The following ANKS1B variants were observed in gnomAD, a reference collection of about 807,000 sequenced individuals.
The protein encoded by ANKS1B is ankyrin repeat and sterile alpha motif domain-containing protein 1B.
Under a neutral mutation model 148.3 loss-of-function variants are expected in ANKS1B, and 36 were observed. The observed-to-expected ratio is 0.24, with a 90% confidence interval of 0.19 to 0.32. The LOEUF (loss-of-function observed/expected upper bound fraction) is 0.32. ANKS1B is among the 10% of genes least tolerant of loss of function. The pLI, the probability that ANKS1B is intolerant of heterozygous loss-of-function variation, is 1.00. For missense variants in ANKS1B, 1,157 were observed against 1,542.6 expected (o/e 0.75, Z 4.19); for synonymous variants, 542 against 560.8 (o/e 0.97, Z 0.47).
At chr12:99,938,696 A>G (rs2094841569) in intron 1 of ANKS1B, among the ~76,000 whole-genome samples, 1 of 152,178 alleles carries the variant, frequency 6.6e-6, no homozygotes, top group South Asian at 2.1e-4. Flanking sequence ...GTAAGATTCA[A>G]GCGGCAATTT....
chr12:99,782,140 T>C (rs1451203851), intron 4 of ANKS1B, 43 bp from the exon 5 acceptor site: 11 of 1,471,388 alleles, frequency 7.5e-6, no homozygotes, highest in African/African-American at 4.2e-5. Context: ...CGGTTGCATT[T>C]GGAATGCTTA....
In ANKS1B at chr12:99,378,358, C is replaced by T. The variant is rs2093478028; in HGVS notation, c.1756+21273G>A. On this transcript the variant is annotated intron_variant, in intron 12 of 26. Transcript: ENST00000683438. Reference sequence around the variant, plus strand: ...AAGAATTGTGTTGCTGAAAACACTGCCAGTTTAAAAGAGAAGGCCGGGCAT... The same window carrying T: ...AAGAATTGTGTTGCTGAAAACACTGTCAGTTTAAAAGAGAAGGCCGGGCAT... 2.0e-5 allele frequency among the ~76,000 whole-genome samples: 3 copies of T among 151,942 alleles called. No individual in the cohort carries two copies. The South Asian group carries it at 6.2e-4, about 32-fold the overall frequency.
At chr12:99,032,090 T>C (rs1430416974) in intron 17 of ANKS1B, among the ~76,000 whole-genome samples, 2 of 152,084 alleles carry the variant, frequency 1.3e-5, no homozygotes, top group African/African-American at 4.8e-5. Flanking sequence ...AGCAAAGAGG[T>C]GGAGGGAAGC....
intron 25 of ANKS1B, among the ~76,000 whole-genome samples, chr12:98,762,162 T>TATCA (rs1468593331): frequency 1.3e-5 from 2 of 152,152 alleles, no homozygotes; most frequent in African/African-American, 2.4e-5. Context: ...GAAAAGTGTC[T>TATCA]ATCAGTGAAT....
At chr12:99,869,750 T>A (rs189960751) in intron 1 of ANKS1B, among the ~76,000 whole-genome samples, 1 of 151,542 alleles carries the variant, frequency 6.6e-6, no homozygotes, top group Admixed American at 6.6e-5. Context: ...TGGTGCTGGT[T>A]CAAATAAATA....
Position 98,912,922 on chromosome 12 carries a change from T to A in ANKS1B, c.2779-80786A>T, listed in dbSNP as rs191713377. 1.7e-4 allele frequency among the ~76,000 whole-genome samples: 26 copies of A among 152,344 alleles called. 1 individual carries two copies. The highest frequency in any genetic ancestry group is 6.0e-4 in the African/African-American group (25 of 41,590). On this transcript the variant is annotated intron_variant, in intron 17 of 26. Transcript: ENST00000683438. ...CTTGGAGATCATTTTACCCAGGTATTGCAAACTGGTGGCCTAGAGTTGTTT... is the reference window on the plus strand; with the variant it reads ...CTTGGAGATCATTTTACCCAGGTATAGCAAACTGGTGGCCTAGAGTTGTTT...
At position 99,137,169 on chromosome 12, in the gene ANKS1B, T is replaced by G. The variant is rs11109737; in HGVS notation, c.2526+17120A>C. 4.1e-3 allele frequency among the ~76,000 whole-genome samples: 624 copies of G among 152,330 alleles called. 27 individuals carry two copies. In the East Asian group the frequency reaches 0.11, roughly 26 times the overall value. ...ATACTGCCATTGAAATGGGAAGCTC[T>G]GATTACAGCTTCTAAAGTGCACTGT... is the stretch of plus-strand genomic sequence containing the variant. On this transcript the variant is annotated intron_variant, in intron 15 of 26. Transcript: ENST00000683438.
chr12:99,139,554 C>T (rs2069831130), intron 15 of ANKS1B, among the ~76,000 whole-genome samples: 1 of 145,138 alleles, frequency 6.9e-6, no homozygotes, highest in Non-Finnish European at 1.5e-5. Context: ...GCTGGGATTA[C>T]AGGTGCAAGC....
chr12:98,836,846 C>T (rs372432042), intron 17 of ANKS1B, among the ~76,000 whole-genome samples: 4 of 151,994 alleles, frequency 2.6e-5, no homozygotes, highest in Admixed American at 6.5e-5. Context: ...CAATTCAGTT[C>T]GGCTCAAAAA....
At chr12:99,841,155 T>A (rs2085682937) in intron 1 of ANKS1B, among the ~76,000 whole-genome samples, 1 of 152,070 alleles carries the variant, frequency 6.6e-6, no homozygotes, top group Non-Finnish European at 1.5e-5. Flanking sequence ...GCTCATAGGG[T>A]TACTGTAAAG....
intron 1 of ANKS1B, among the ~76,000 whole-genome samples, chr12:99,934,310 A>G (rs2094701627): frequency 6.6e-6 from 1 of 152,026 alleles, no homozygotes; most frequent in Non-Finnish European, 1.5e-5. Flanking sequence ...AGGAGAAACT[A>G]CTTCCATTTT....
At chr12:99,564,048 T>C (rs1056233259) in intron 9 of ANKS1B, among the ~76,000 whole-genome samples, 9 of 152,198 alleles carry the variant, frequency 5.9e-5, no homozygotes, top group Non-Finnish European at 1.0e-4. Context: ...CTCGGTTCTC[T>C]AGAGATGAAA....
Position 98,943,512 on chromosome 12 carries a change from T to C in ANKS1B, c.2778+109645A>G, listed in dbSNP as rs540036705. Among the ~76,000 whole-genome samples the C allele has an allele frequency of 5.3e-5, 8 of 152,300 alleles. No homozygotes were observed. In the South Asian group the frequency reaches 1.7e-3, roughly 32 times the overall value. On this transcript the variant is annotated intron_variant, in intron 17 of 26. Coordinates refer to ENST00000683438, the MANE Select transcript of ANKS1B (RefSeq NM_001352186.2). ...TCTGGAGGCTCTAGGAGAGAGTCCA[T>C]TTCCTTGCATGTTTCATCTGTAGAA...
intron 17 of ANKS1B, among the ~76,000 whole-genome samples, chr12:98,987,193 T>G (rs1188918332): frequency 6.6e-6 from 1 of 151,862 alleles, no homozygotes; most frequent in East Asian, 1.9e-4. Context: ...GATTAATTTA[T>G]TCTCAGAAAT....
At chr12:99,156,362 T>TA (rs1320231738) in intron 14 of ANKS1B, among the ~76,000 whole-genome samples, 2 of 152,208 alleles carry the variant, frequency 1.3e-5, no homozygotes, top group Non-Finnish European at 2.9e-5. Flanking sequence ...CTCTAATATT[T>TA]AAAAAATCAA....
chr12:99,648,552 G>C (rs1202858318), intron 9 of ANKS1B: 1 of 1,614,154 alleles, frequency 6.2e-7, no homozygotes, highest in Non-Finnish European at 8.5e-7. Context: ...TGATGTTTGT[G>C]AAAATAACCA....
chr12:99,934,694 C>T (rs545819446), intron 1 of ANKS1B, among the ~76,000 whole-genome samples: 4 of 151,896 alleles, frequency 2.6e-5, no homozygotes, highest in Admixed American at 6.6e-5. Context: ...GTTTATCTTT[C>T]GAAAACCAAC....
intron 17 of ANKS1B, among the ~76,000 whole-genome samples, chr12:98,966,764 T>C (rs1835825630): frequency 6.6e-6 from 1 of 151,816 alleles, no homozygotes; most frequent in Non-Finnish European, 1.5e-5. Flanking sequence ...CTGGAAACCA[T>C]CATTCTCAGC....
chr12:99,559,923 T>C (rs879132942), intron 9 of ANKS1B, among the ~76,000 whole-genome samples: 2 of 152,162 alleles, frequency 1.3e-5, no homozygotes, highest in African/African-American at 4.8e-5. Flanking sequence ...TTAAATCTAA[T>C]CTTTGAATTA....
Sources: gnomAD v4.1 joint callset for allele counts (sites outside exome capture counted in the v4.1 genomes callset) on GRCh38, gnomAD v4.1.1 for gene constraint, MANE v1.5 for transcripts, NCBI Gene and HGNC (gene_info 2026-07-23, HGNC 2026-07-21) for gene names.